The following CNTLN variants were observed in gnomAD, a reference collection of about 807,000 sequenced individuals.
CNTLN encodes centlein.
Under a neutral mutation model 180.0 loss-of-function variants are expected in CNTLN, and 212 were observed. The ratio of observed to expected loss-of-function variants is 1.18; its 90% CI spans 1.05 to 1.32. The LOEUF is 1.32. CNTLN is among the 40% of genes most tolerant of loss of function. The pLI is 0.00. For synonymous variants in CNTLN, 722 were observed against 563.1 expected (o/e 1.28, Z -3.99); for missense variants, 2,095 against 1,610.9 (o/e 1.30, Z -5.14).
intron 14 of CNTLN, among the ~76,000 whole-genome samples, chr9:17,389,714 A>G (rs1188710167): frequency 8.2e-6 from 1 of 121,454 alleles, no homozygotes; most frequent in Non-Finnish European, 1.8e-5. Flanking sequence ...TGAAAACAAT[A>G]TTTGTATATA....
At chr9:17,299,137 G>C (rs543030780) in intron 7 of CNTLN, 1 of 188,734 alleles carries the variant, frequency 5.3e-6, no homozygotes, top group African/African-American at 2.4e-5. Context: ...CAGCTACTTG[G>C]GAGGCTGAGG....
At chr9:17,514,153 T>TAA in the CNTLN span, among the ~76,000 whole-genome samples, 115,322 of 145,686 alleles carry the variant, frequency 0.79, 51,050 homozygotes, top group East Asian at 0.97. Context: ...GCAAATAGGT[T>TAA]AAAAAAAAAA....
At chr9:17,192,100 T>C (rs1563865294) in intron 2 of CNTLN, among the ~76,000 whole-genome samples, 1 of 152,220 alleles carries the variant, frequency 6.6e-6, no homozygotes, top group Non-Finnish European at 1.5e-5. Context: ...TGTGATTCTA[T>C]GTGTTCATAG....
At position 17,418,087 on chromosome 9, in the gene CNTLN, AT is replaced by A. The variant is rs559500303; in HGVS notation, c.3114+1899del. ...TTACTTTTGCTACTATGTTATAGGT[AT>A]AACTTATATTTCATTGTTATATGTA... is the stretch of plus-strand genomic sequence containing the variant. On this transcript the variant is annotated intron_variant, in intron 18 of 25. Transcript: ENST00000380647. Among the ~76,000 whole-genome samples, 62 of 152,110 alleles carry A rather than the reference AT, an allele frequency of 4.1e-4. 1 individual carries two copies. Among genetic ancestry groups the A allele is most frequent in the African/African-American group, 1.4e-3 (59 of 41,574 alleles).
intron 18 of CNTLN, among the ~76,000 whole-genome samples, chr9:17,451,136 A>G (rs927868325): frequency 2.6e-5 from 4 of 152,150 alleles, no homozygotes; most frequent in African/African-American, 9.7e-5. Context: ...TAATATTCTC[A>G]ATAAAAGAAC....
intron 6 of CNTLN, among the ~76,000 whole-genome samples, chr9:17,285,611 A>C (rs1475043733): frequency 8.4e-6 from 1 of 118,598 alleles, no homozygotes; most frequent in East Asian, 2.7e-4. Flanking sequence ...ACTAGTTTAC[A>C]GTCCCACCAA....
chr9:17,351,885 C>A (rs918771752), intron 12 of CNTLN, among the ~76,000 whole-genome samples: 12 of 152,118 alleles, frequency 7.9e-5, no homozygotes, highest in African/African-American at 2.9e-4. Context: ...TCAGCTCCCC[C>A]CTTTTATTTT....
Position 17,457,714 on chromosome 9 carries a change from A to ATTTTTATAAATTT in CNTLN, c.3305_3306insTTTTTATAAATTT (p.Lys1102AsnfsTer9), listed in dbSNP as rs762054558. The ATTTTTATAAATTT allele has an allele frequency of 6.9e-7, 1 of 1,438,974 alleles. No homozygotes were observed. Among genetic ancestry groups the ATTTTTATAAATTT allele is most frequent in the Non-Finnish European group, 9.2e-7 (1 of 1,090,228 alleles). 89.1% of individuals were successfully genotyped at this position (1,438,974 alleles called of 1,614,324 possible). A position where few individuals can be genotyped will look rare whatever the true frequency, so the allele number is the denominator to read the frequency against. On this transcript the variant is annotated frameshift_variant and splice_region_variant, in exon 19 of 26. Transcript: ENST00000380647. LOFTEE classifies it high-confidence loss of function. ...ATGAAGCAATTGCAGTATAAACTAA[A>ATTTTTATAAATTT]GGTGATTATAAAATTTATTAAGCAT...
At chr9:17,290,291 G>A (rs371388657) in intron 6 of CNTLN, among the ~76,000 whole-genome samples, 2 of 151,798 alleles carry the variant, frequency 1.3e-5, no homozygotes, top group African/African-American at 2.4e-5. Flanking sequence ...GTCTGCCCCT[G>A]CTGGGGGGTG....
Position 17,456,712 on chromosome 9 carries a change from G to C in CNTLN, c.3115-812G>C, listed in dbSNP as rs73414446. Among the ~76,000 whole-genome samples, 1,265 of 152,140 alleles carry C rather than the reference G, an allele frequency of 8.3e-3. 14 individuals are homozygous for C. The highest frequency in any genetic ancestry group is 0.028 in the African/African-American group (1,178 of 41,522). On this transcript the variant is annotated intron_variant, in intron 18 of 25. Transcript: ENST00000380647. ...CTTATGTTAAGGTACCACATTATAAGCTTCTTTGGAATAATAAAATAGTAA... is the reference window on the plus strand; with the variant it reads ...CTTATGTTAAGGTACCACATTATAACCTTCTTTGGAATAATAAAATAGTAA...
At chr9:17,232,276 A>AT (rs1377613805) in intron 3 of CNTLN, among the ~76,000 whole-genome samples, 2 of 152,144 alleles carry the variant, frequency 1.3e-5, no homozygotes, top group Non-Finnish European at 2.9e-5. Context: ...TAACTATATT[A>AT]TGCAATTTAA....
intron 18 of CNTLN, among the ~76,000 whole-genome samples, chr9:17,455,319 T>C (rs933202320): frequency 6.6e-6 from 1 of 152,130 alleles, no homozygotes; most frequent in African/African-American, 2.4e-5. Flanking sequence ...TTAAATATTG[T>C]TTAATCAAAA....
chr9:17,490,180 C>T (rs957508946), intron 25 of CNTLN, among the ~76,000 whole-genome samples: 7 of 152,024 alleles, frequency 4.6e-5, no homozygotes, highest in African/African-American at 1.7e-4. Context: ...TAGAAAGATG[C>T]TGAAGGCCAA....
At chr9:17,160,405 T>G (rs1384249468) in intron 2 of CNTLN, among the ~76,000 whole-genome samples, 2 of 152,188 alleles carry the variant, frequency 1.3e-5, no homozygotes, top group African/African-American at 4.8e-5. Flanking sequence ...TACCTAACTT[T>G]CTCACTATCA....
chr9:17,298,139 T>C, intron 6 of CNTLN, 51 bp from the exon 7 acceptor site: 1 of 1,351,696 alleles, frequency 7.4e-7, no homozygotes, highest in Non-Finnish European at 9.6e-7. Context: ...ATTATTTAAC[T>C]GAGATGATCT....
At chr9:17,278,609 C>T (rs34502029) in intron 6 of CNTLN, among the ~76,000 whole-genome samples, 44,342 of 151,910 alleles carry the variant, frequency 0.29, 6,536 homozygotes, top group South Asian at 0.42. Flanking sequence ...TTTTCTTTTA[C>T]TGCATATAGT....
At chr9:17,491,953 C>G (rs867412449) in intron 25 of CNTLN, among the ~76,000 whole-genome samples, 11 of 152,162 alleles carry the variant, frequency 7.2e-5, no homozygotes, top group Middle Eastern at 3.4e-3. Context: ...ATCTCTGAAG[C>G]CATTTACTCT....
intron 10 of CNTLN, among the ~76,000 whole-genome samples, chr9:17,340,040 C>G (rs1490999991): frequency 2.0e-5 from 3 of 152,004 alleles, no homozygotes; most frequent in African/African-American, 2.4e-5. Context: ...GCCTGTAGTC[C>G]TAGCTACTTG....
At chr9:17,172,967 G>GA (rs1820506515) in intron 2 of CNTLN, among the ~76,000 whole-genome samples, 2 of 152,156 alleles carry the variant, frequency 1.3e-5, no homozygotes, top group Admixed American at 1.3e-4. Context: ...TTGAATTTTG[G>GA]AAAAAATAAT....
Sources: gnomAD v4.1 joint callset for allele counts (sites outside exome capture counted in the v4.1 genomes callset) on GRCh38, gnomAD v4.1.1 for gene constraint, MANE v1.5 for transcripts, NCBI Gene and HGNC (gene_info 2026-07-23, HGNC 2026-07-21) for gene names.